Variants in CNTNAP2 observed in about 807,000 individuals in gnomAD.
CNTNAP2 encodes the protein contactin associated protein 2.
A neutral mutation model predicts 155.2 loss-of-function variants in CNTNAP2; 98 were observed. The ratio of observed to expected loss-of-function variants is 0.63; its 90% CI spans 0.54 to 0.75. CNTNAP2 has a LOEUF of 0.75. Ranked by LOEUF, CNTNAP2 falls within the 30% of genes least tolerant of loss-of-function variation. The pLI is 0.00. For missense variants in CNTNAP2, 1,727 were observed against 1,688.1 expected, an observed-to-expected ratio of 1.02 and a Z score of -0.40; for synonymous variants, 651 against 631.2, an observed-to-expected ratio of 1.03 and a Z score of -0.47.
rs1286433612 is a variant in CNTNAP2 at position 146,569,588 on chromosome 7, T to C, written c.98-204683T>C. On this transcript the variant is annotated intron_variant, in intron 1 of 23. Transcript: ENST00000361727. ...CAGCACCTCTATGGTATTATAGTTCTTTTTGAAAAATACTGCAATAATTTT... is the reference window on the plus strand; with the variant it reads ...CAGCACCTCTATGGTATTATAGTTCCTTTTGAAAAATACTGCAATAATTTT... Among the ~76,000 whole-genome samples, 3 of 152,194 alleles carry C rather than the reference T, an allele frequency of 2.0e-5. No homozygotes were observed. In the South Asian group the frequency reaches 6.2e-4, roughly 32 times the overall value.
chr7:147,388,047 C>G (rs1253604022), intron 9 of CNTNAP2, among the ~76,000 whole-genome samples: 1 of 152,196 alleles, frequency 6.6e-6, no homozygotes, highest in African/African-American at 2.4e-5. Context: ...CACTTTTAGA[C>G]AGGCAGACTC....
intron 19 of CNTNAP2, among the ~76,000 whole-genome samples, chr7:148,219,435 TG>T (rs763499277): frequency 2.0e-5 from 3 of 152,204 alleles, no homozygotes; most frequent in Non-Finnish European, 4.4e-5. Flanking sequence ...GGCTCATGCC[TG>T]TAATCCCAGC....
chr7:147,321,441 AT>A (rs1185168091), intron 9 of CNTNAP2, among the ~76,000 whole-genome samples: 2 of 136,160 alleles, frequency 1.5e-5, no homozygotes, highest in Non-Finnish European at 3.2e-5. Context: ...TATTTTTTTC[AT>A]TTTTATTTTT....
At chr7:147,471,303 T>C (rs536263688) in intron 10 of CNTNAP2, among the ~76,000 whole-genome samples, 1 of 152,288 alleles carries the variant, frequency 6.6e-6, no homozygotes, top group Non-Finnish European at 1.5e-5. Flanking sequence ...AAAGGGATAT[T>C]AGAAGTTAAA....
rs148067674 is a variant in CNTNAP2 at position 148,133,331 on chromosome 7, G to A, written c.2555-14160G>A. ...ACAAAAATTAGCTGGGCATGGTGGC[G>A]TGCGCCTGTAACCCCAACTACTCAG... On this transcript the variant is annotated intron_variant, in intron 16 of 23. Coordinates refer to ENST00000361727, the MANE Select transcript of CNTNAP2 (RefSeq NM_014141.6). Among the ~76,000 whole-genome samples, 383 of 152,210 alleles carry A rather than the reference G, an allele frequency of 2.5e-3. 1 individual carries two copies. Among genetic ancestry groups the A allele is most frequent in the Middle Eastern group, 0.017 (5 of 294 alleles).
chr7:146,829,198 A>C (rs1803463434), intron 2 of CNTNAP2, among the ~76,000 whole-genome samples: 1 of 152,090 alleles, frequency 6.6e-6, no homozygotes, highest in Non-Finnish European at 1.5e-5. Context: ...GTTTCTCACA[A>C]CTGACACTCT....
intron 4 of CNTNAP2, among the ~76,000 whole-genome samples, chr7:147,084,932 C>T (rs1442475879): frequency 2.6e-5 from 4 of 151,236 alleles, no homozygotes; most frequent in African/African-American, 9.7e-5. Flanking sequence ...CATTTAATAT[C>T]TCAAGTTTAC....
intron 5 of CNTNAP2, among the ~76,000 whole-genome samples, chr7:147,108,921 C>A (rs368413175): frequency 6.6e-6 from 1 of 152,218 alleles, no homozygotes; most frequent in African/African-American, 2.4e-5. Context: ...ACCAAAAGCA[C>A]GCTCAAGAAG....
At chr7:148,142,785 G>A (rs890358087) in intron 16 of CNTNAP2, among the ~76,000 whole-genome samples, 11 of 152,106 alleles carry the variant, frequency 7.2e-5, no homozygotes, top group Admixed American at 4.6e-4. Flanking sequence ...TAAATTTATC[G>A]CTCAATATAC....
chr7:147,590,425 T>A (rs149721537), intron 12 of CNTNAP2, among the ~76,000 whole-genome samples: 220 of 152,276 alleles, frequency 1.4e-3, no homozygotes, highest in African/African-American at 4.9e-3. Flanking sequence ...TCTGATGGTC[T>A]TTATAAGGAG....
chr7:147,219,328 T>A (rs1803344090), intron 8 of CNTNAP2, among the ~76,000 whole-genome samples: 1 of 151,638 alleles, frequency 6.6e-6, no homozygotes, highest in Non-Finnish European at 1.5e-5. Flanking sequence ...CTAGTTGGAG[T>A]CCCAAAACCT....
chr7:146,432,124 A>C (rs1796181830), intron 1 of CNTNAP2, among the ~76,000 whole-genome samples: 1 of 152,138 alleles, frequency 6.6e-6, no homozygotes, highest in Non-Finnish European at 1.5e-5. Flanking sequence ...TAATTTCAAC[A>C]GTCACAGCAA....
intron 13 of CNTNAP2, among the ~76,000 whole-genome samples, chr7:147,674,329 T>A (rs1366273880): frequency 6.6e-6 from 1 of 152,182 alleles, no homozygotes; most frequent in African/African-American, 2.4e-5. Flanking sequence ...TTAGAGAGCA[T>A]ATTTTTTAGT....
chr7:146,317,421 A>G (rs1232968850), intron 1 of CNTNAP2, among the ~76,000 whole-genome samples: 1 of 152,134 alleles, frequency 6.6e-6, no homozygotes, highest in Non-Finnish European at 1.5e-5. Context: ...CTTTTCCTGC[A>G]TGTTGTACCT....
intron 2 of CNTNAP2, among the ~76,000 whole-genome samples, chr7:146,789,599 CA>C (rs35157587): frequency 1.7e-3 from 211 of 122,702 alleles, no homozygotes; most frequent in Non-Finnish European, 1.8e-3. Context: ...GGGTGGCAGG[CA>C]AAAAAAAAAA....
intron 13 of CNTNAP2, among the ~76,000 whole-genome samples, chr7:147,695,458 G>A (rs1027756418): frequency 2.0e-5 from 3 of 152,058 alleles, no homozygotes; most frequent in African/African-American, 7.2e-5. Flanking sequence ...TATAACAGTG[G>A]GACTTAATCT....
intron 3 of CNTNAP2, among the ~76,000 whole-genome samples, chr7:146,905,805 C>T (rs143709342): frequency 0.015 from 2,233 of 152,214 alleles, 22 homozygotes; most frequent in Non-Finnish European, 0.021. Flanking sequence ...CCAAGATGGC[C>T]GAATAGGAAC....
At chr7:148,355,038 C>T (rs1280380667) in intron 21 of CNTNAP2, among the ~76,000 whole-genome samples, 1 of 152,106 alleles carries the variant, frequency 6.6e-6, no homozygotes, top group Non-Finnish European at 1.5e-5. Context: ...CATCCTGCAT[C>T]CAGGTACTCA....
chr7:147,258,485 T>G (rs1804379433), intron 8 of CNTNAP2, among the ~76,000 whole-genome samples: 1 of 152,166 alleles, frequency 6.6e-6, no homozygotes, highest in African/African-American at 2.4e-5. Context: ...CACATTTTTT[T>G]TTGCTTATTT....
Sources: gnomAD v4.1 joint callset for allele counts (sites outside exome capture counted in the v4.1 genomes callset) on GRCh38, gnomAD v4.1.1 for gene constraint, MANE v1.5 for transcripts, NCBI Gene and HGNC (gene_info 2026-07-23, HGNC 2026-07-21) for gene names.